NFATC2: variants seen among roughly 807,000 people sequenced by gnomAD.
NFATC2 encodes the protein nuclear factor of activated T cells 2, also known as nuclear factor of activated T-cells, cytoplasmic 2.
Under a neutral mutation model 87.3 loss-of-function variants are expected in NFATC2, and 22 were observed. The ratio of observed to expected loss-of-function variants is 0.25; its 90% CI spans 0.18 to 0.36. The LOEUF is 0.36. NFATC2 is among the 10% of genes least tolerant of loss of function. The pLI, the probability that NFATC2 is intolerant of heterozygous loss-of-function variation, is 1.00. For missense variants in NFATC2, 1,149 were observed against 1,259.1 expected (o/e 0.91, Z 1.32); for synonymous variants, 565 against 542.2 (o/e 1.04, Z -0.58).
chr20:51,470,595 C>A (rs185846040), intron 5 of NFATC2, among the ~76,000 whole-genome samples: 1 of 152,114 alleles, frequency 6.6e-6, no homozygotes, highest in African/African-American at 2.4e-5. Flanking sequence ...AAGTACTAGC[C>A]CACGAAGTGT....
At chr20:51,519,871 G>A (rs981537007) in intron 2 of NFATC2, among the ~76,000 whole-genome samples, 9 of 149,276 alleles carry the variant, frequency 6.0e-5, no homozygotes, top group Middle Eastern at 6.9e-3. Context: ...AGCTGAGATC[G>A]CACCACTGTA....
intron 3 of NFATC2, among the ~76,000 whole-genome samples, chr20:51,507,008 T>C (rs1406384978): frequency 6.6e-6 from 1 of 152,200 alleles, no homozygotes; most frequent in Non-Finnish European, 1.5e-5. Flanking sequence ...TTCTAAAGCC[T>C]GTCCCATCTC....
chr20:51,400,297 TTCAGTGGATC>T (rs1204836342), intron 9 of NFATC2, among the ~76,000 whole-genome samples: 3 of 152,166 alleles, frequency 2.0e-5, no homozygotes, highest in African/African-American at 7.2e-5. Context: ...TAAGGAGCAC[TTCAGTGGATC>T]TCAGGCATCA....
In NFATC2 at chr20:51,528,283, T is replaced by A. The variant is rs138922426; in HGVS notation, c.131-4173A>T. ...GATACAGTATAGCTACAAAAAGGCC[T>A]GAAGAAGTTCTTTATGCATTGACAT... is the stretch of plus-strand genomic sequence containing the variant. On this transcript the variant is annotated intron_variant, in intron 1 of 10. Coordinates refer to ENST00000371564, the MANE Select transcript of NFATC2 (RefSeq NM_012340.5). Among the ~76,000 whole-genome samples, 4 of 152,268 alleles carry A rather than the reference T, an allele frequency of 2.6e-5. No individual in the cohort carries two copies. In the East Asian group the frequency reaches 7.7e-4, roughly 29 times the overall value.
intron 1 of NFATC2, among the ~76,000 whole-genome samples, chr20:51,557,439 A>G (rs1463786546): frequency 6.6e-6 from 1 of 152,194 alleles, no homozygotes; most frequent in Non-Finnish European, 1.5e-5. Flanking sequence ...AGGCCTTGGC[A>G]TGGTGCCTGA....
intron 3 of NFATC2, among the ~76,000 whole-genome samples, chr20:51,491,371 G>A (rs2146584348): frequency 6.6e-6 from 1 of 152,278 alleles, no homozygotes; most frequent in African/African-American, 2.4e-5. Flanking sequence ...CGTTCAGGTA[G>A]CCCGTCTGTC....
chr20:51,513,351 C>T (rs117377845), intron 3 of NFATC2, among the ~76,000 whole-genome samples: 1,870 of 152,196 alleles, frequency 0.012, 25 homozygotes, highest in Middle Eastern at 0.041. Context: ...GGTGGTAACA[C>T]GCCTATAGTC....
rs548045143 is a variant in NFATC2 at position 51,551,851 on chromosome 20, C to T, written c.70+10709G>A. 9.2e-4 allele frequency among the ~76,000 whole-genome samples: 140 copies of T among 151,510 alleles called. 3 individuals carry two copies. In the South Asian group the frequency reaches 0.029, roughly 31 times the overall value. Reference sequence around the variant, plus strand: ...GACCATCCTGGCTAACATGGTGAAACCCAATCTCTACTAAAAATACAAAAA... The same window carrying T: ...GACCATCCTGGCTAACATGGTGAAATCCAATCTCTACTAAAAATACAAAAA... On this transcript the variant is annotated intron_variant, in intron 1 of 10. Coordinates refer to the NFATC2 transcript ENST00000414705.
At chr20:51,544,071 T>TC (rs2076867065), upstream of NFATC2, among the ~76,000 whole-genome samples, 1 of 139,586 alleles carries the variant, frequency 7.2e-6, no homozygotes, top group Non-Finnish European at 1.5e-5. Context: ...CATTGCAAGC[T>TC]CTGCCTTCTG....
intron 3 of NFATC2, among the ~76,000 whole-genome samples, chr20:51,505,631 C>T (rs955888273): frequency 6.6e-6 from 1 of 152,132 alleles, no homozygotes; most frequent in African/African-American, 2.4e-5. Context: ...AATGGCTTGG[C>T]CAAAGTGCCC....
chr20:51,534,788 C>T (rs1329429846), intron 1 of NFATC2, among the ~76,000 whole-genome samples: 1 of 152,210 alleles, frequency 6.6e-6, no homozygotes, highest in Non-Finnish European at 1.5e-5. Flanking sequence ...CACCCTCGCC[C>T]AGGAAGAACC....
At chr20:51,456,726 C>T (rs550567074) in intron 5 of NFATC2, among the ~76,000 whole-genome samples, 28 of 152,356 alleles carry the variant, frequency 1.8e-4, no homozygotes, top group Non-Finnish European at 1.6e-4. Flanking sequence ...CAGGAGCCTA[C>T]GGACCTCCCC....
upstream of NFATC2, chr20:51,542,760 G>GT (rs1277472608): frequency 5.9e-5 from 12 of 202,214 alleles, 2 homozygotes; most frequent in Admixed American, 7.5e-5. Flanking sequence ...GGGGGGGGGG[G>GT]GGGCGTGGAG....
At position 51,432,669 on chromosome 20, in the gene NFATC2, T is replaced by G. The variant is rs1323369653; in HGVS notation, c.2120A>C (p.Tyr707Ser). Residue 707 changes from tyrosine to serine, a missense_variant, in exon 9 of 11, where the codon TAC (tyrosine) becomes TCC (serine). Around this residue, in one of 3 missense-constraint regions of NFATC2, gnomAD observed 581 missense variants for 649.7 expected, o/e 0.89. Coordinates refer to ENST00000371564, the MANE Select transcript of NFATC2 (RefSeq NM_012340.5). The surrounding 1 kb of genome is among the most constrained non-coding windows in gnomAD (Gnocchi z 4.6). ...PTHGGLGSQP[Y>S]YPQHPMVAES... The stretch of plus-strand genomic sequence containing the variant: ...GGCCACCATCGGGTGCTGGGGGTAG[T>G]AAGGCTGGCTCCCCAGGCCTCCATG... The G allele has an allele frequency of 1.9e-6, 3 of 1,565,522 alleles. No homozygotes were observed. The highest frequency in any genetic ancestry group is 3.7e-5 in the Admixed American group (2 of 53,904).
chr20:51,504,261 A>AT (rs1285516010), intron 3 of NFATC2, among the ~76,000 whole-genome samples: 2 of 152,126 alleles, frequency 1.3e-5, no homozygotes, highest in Non-Finnish European at 2.9e-5. Context: ...ACCTCAGGTG[A>AT]TCTGCCCGCC....
At chr20:51,458,835 T>G (rs1358189480) in intron 5 of NFATC2, among the ~76,000 whole-genome samples, 3 of 151,894 alleles carry the variant, frequency 2.0e-5, no homozygotes, top group African/African-American at 7.3e-5. Context: ...AATCTTCAAA[T>G]GATTACAAGA....
chr20:51,447,986 G>A (rs182207997), intron 6 of NFATC2, among the ~76,000 whole-genome samples: 14 of 152,272 alleles, frequency 9.2e-5, no homozygotes, highest in East Asian at 5.8e-4. Flanking sequence ...AATGCTGCCC[G>A]CTTCTCAGGG....
intron 9 of NFATC2, among the ~76,000 whole-genome samples, chr20:51,406,775 T>C (rs1382457684): frequency 1.3e-5 from 2 of 152,104 alleles, no homozygotes; most frequent in Non-Finnish European, 2.9e-5. Flanking sequence ...GGGTGTGACA[T>C]CTTAGCTCCA....
intron 6 of NFATC2, among the ~76,000 whole-genome samples, chr20:51,449,342 C>T (rs898137959): frequency 2.0e-5 from 3 of 152,080 alleles, no homozygotes; most frequent in Non-Finnish European, 2.9e-5. Context: ...AAATGCAAGG[C>T]GAGCCCCCTC....
Sources: allele counts gnomAD v4.1 joint callset (sites outside exome capture counted in the v4.1 genomes callset), GRCh38; gene constraint gnomAD v4.1.1; regional missense constraint gnomAD v4.1.1; non-coding constraint Gnocchi (gnomAD v3.1); transcripts MANE v1.5; gene names NCBI Gene and HGNC (gene_info 2026-07-23, HGNC 2026-07-21).